Variants in SNTG1 observed in about 807,000 individuals in gnomAD.
SNTG1 encodes the protein gamma-1-syntrophin.
SNTG1 carries 39 observed loss-of-function variants against 74.7 expected under a neutral mutation model. The ratio of observed to expected loss-of-function variants is 0.52; its 90% confidence interval spans 0.40 to 0.68. SNTG1 has a LOEUF of 0.68. Ranked by LOEUF, SNTG1 falls within the 30% of genes least tolerant of loss-of-function variation. The pLI is 0.00. For synonymous variants in SNTG1, 254 were observed against 217.1 expected (o/e 1.17, Z -1.49); for missense variants, 685 against 609.5 (o/e 1.12, Z -1.30).
At chr8:50,029,321 C>T (rs1817547365) in intron 1 of SNTG1, among the ~76,000 whole-genome samples, 2 of 152,096 alleles carry the variant, frequency 1.3e-5, no homozygotes, top group South Asian at 2.1e-4. Context: ...TCACTTCAAA[C>T]ATTTATCATT....
chr8:50,708,538 C>A (rs2095451859), intron 16 of SNTG1: 1 of 199,466 alleles, frequency 5.0e-6, no homozygotes, highest in East Asian at 1.2e-4. Flanking sequence ...CAGTAAATAA[C>A]AACTTAACAT....
chr8:50,425,259 C>CT (rs2093147675), intron 4 of SNTG1, among the ~76,000 whole-genome samples: 1 of 4,028 alleles, frequency 2.5e-4, no homozygotes, highest in African/African-American at 6.3e-4. Flanking sequence ...CAGGAGGTGA[C>CT]TGCTGCTGGT....
chr8:50,034,830 G>A (rs1818011898), intron 1 of SNTG1, among the ~76,000 whole-genome samples: 1 of 152,178 alleles, frequency 6.6e-6, no homozygotes. Flanking sequence ...CCACAGGTTT[G>A]AGAAGCTTCG....
At chr8:50,615,603 C>T (rs1443619862) in intron 13 of SNTG1, among the ~76,000 whole-genome samples, 1 of 152,182 alleles carries the variant, frequency 6.6e-6, no homozygotes, top group Non-Finnish European at 1.5e-5. Context: ...CTTCCAGTCA[C>T]TCTTAGAATA....
rs571862963 is a variant in SNTG1 at position 49,962,643 on chromosome 8, T to C, written c.-103+50412T>C. 5.8e-4 allele frequency among the ~76,000 whole-genome samples: 88 copies of C among 152,216 alleles called. 2 individuals are homozygous for C. Among genetic ancestry groups the C allele is most frequent in the East Asian group, 1.9e-4 (1 of 5,146 alleles). On this transcript the variant is annotated intron_variant, in intron 1 of 18. Coordinates refer to ENST00000642720, the MANE Select transcript of SNTG1 (RefSeq NM_018967.5). ...AATGGCCTTGCTCTGTCACCCAGGC[T>C]GGGGTGCAGTGATGTGACCTCAACT...
chr8:50,123,690 T>C (rs1042285144), intron 1 of SNTG1, among the ~76,000 whole-genome samples: 2 of 142,602 alleles, frequency 1.4e-5, no homozygotes, highest in African/African-American at 5.1e-5. Flanking sequence ...TCTTTTATTT[T>C]GTTTTTCCTA....
chr8:50,114,603 A>G (rs1240137015), intron 1 of SNTG1, among the ~76,000 whole-genome samples: 1 of 152,196 alleles, frequency 6.6e-6, no homozygotes, highest in Non-Finnish European at 1.5e-5. Flanking sequence ...GCAGTGGCTC[A>G]CACCTGTAAT....
At chr8:50,615,535 G>C (rs1446713781) in intron 13 of SNTG1, among the ~76,000 whole-genome samples, 1 of 152,136 alleles carries the variant, frequency 6.6e-6, no homozygotes, top group Non-Finnish European at 1.5e-5. Context: ...TAGGTGACCA[G>C]GGACTTGTTG....
At chr8:50,354,615 C>A (rs1302425358) in intron 2 of SNTG1, among the ~76,000 whole-genome samples, 2 of 152,044 alleles carry the variant, frequency 1.3e-5, no homozygotes, top group Non-Finnish European at 2.9e-5. Context: ...TGTCTTATAA[C>A]AAATTACCAC....
intron 12 of SNTG1, among the ~76,000 whole-genome samples, chr8:50,571,398 C>T (rs570181817): frequency 3.3e-5 from 5 of 152,274 alleles, no homozygotes; most frequent in Admixed American, 3.3e-4. Context: ...AAGACCAGGG[C>T]AAAGAAACAG....
chr8:50,572,203 T>C (rs1182310791), intron 12 of SNTG1, among the ~76,000 whole-genome samples: 1 of 151,936 alleles, frequency 6.6e-6, no homozygotes, highest in Non-Finnish European at 1.5e-5. Flanking sequence ...CTTGTTATAA[T>C]ACTCGTCTCA....
chr8:49,921,135 T>C (rs1458058691), intron 1 of SNTG1, among the ~76,000 whole-genome samples: 3 of 152,020 alleles, frequency 2.0e-5, no homozygotes, highest in African/African-American at 7.2e-5. Context: ...GCTAAAGCTA[T>C]GAAAATTTAT....
At chr8:49,949,850 T>C (rs1266562398) in intron 1 of SNTG1, among the ~76,000 whole-genome samples, 2 of 152,210 alleles carry the variant, frequency 1.3e-5, no homozygotes, top group African/African-American at 4.8e-5. Flanking sequence ...ACTATTAAAG[T>C]ATTCCTTGGC....
chr8:50,425,424 C>T (rs949484959), intron 4 of SNTG1, among the ~76,000 whole-genome samples: 3 of 152,064 alleles, frequency 2.0e-5, no homozygotes, highest in Admixed American at 1.3e-4. Context: ...TTATGAGAAT[C>T]TAATACCTGA....
intron 12 of SNTG1, among the ~76,000 whole-genome samples, chr8:50,554,226 G>A (rs752328346): frequency 4.6e-5 from 7 of 152,182 alleles, no homozygotes; most frequent in South Asian, 2.1e-4. Flanking sequence ...TTCAAACAAC[G>A]CCATCATAAT....
At chr8:50,659,584 A>G (rs1322448850) in intron 15 of SNTG1, among the ~76,000 whole-genome samples, 1 of 152,220 alleles carries the variant, frequency 6.6e-6, no homozygotes, top group Non-Finnish European at 1.5e-5. Context: ...TCTGTTCCTT[A>G]TAGAGAACTT....
At chr8:50,088,030 T>G (rs984593707) in intron 1 of SNTG1, among the ~76,000 whole-genome samples, 1 of 146,032 alleles carries the variant, frequency 6.8e-6, no homozygotes, top group Non-Finnish European at 1.5e-5. Context: ...GAATATGCGG[T>G]GTTTGGTTTT....
In SNTG1 at chr8:50,703,591, A is replaced by G. The variant is rs185522025; in HGVS notation, c.1039-1009A>G. On this transcript the variant is annotated intron_variant, in intron 15 of 18. Coordinates refer to ENST00000642720, the MANE Select transcript of SNTG1 (RefSeq NM_018967.5). ...ATAGGAGTACAGTAAATACAGTAAT[A>G]TTTACTGTATTACTATAATACAGTA... 4.1e-3 allele frequency among the ~76,000 whole-genome samples: 621 copies of G among 152,228 alleles called. 2 individuals are homozygous for G. Among genetic ancestry groups the G allele is most frequent in the Non-Finnish European group, 6.9e-3 (470 of 68,026 alleles).
chr8:50,069,721 A>G (rs203941), intron 1 of SNTG1, among the ~76,000 whole-genome samples: 130,538 of 151,002 alleles, frequency 0.86, 56,542 homozygotes, highest in East Asian at 0.99. Flanking sequence ...TTCTCCCCAG[A>G]GTACCCATGT....
Sources: allele counts gnomAD v4.1 joint callset (sites outside exome capture counted in the v4.1 genomes callset), GRCh38; gene constraint gnomAD v4.1.1; transcripts MANE v1.5; gene names NCBI Gene and HGNC (gene_info 2026-07-23, HGNC 2026-07-21).